Variants in FAR2 observed in about 807,000 individuals in gnomAD.
FAR2 encodes the protein epididymis secretory protein Li 81.
Under a neutral mutation model 56.0 loss-of-function variants are expected in FAR2, and 19 were observed. The ratio of observed to expected loss-of-function variants is 0.34; its 90% CI spans 0.24 to 0.50. The LOEUF (loss-of-function observed/expected upper bound fraction) is 0.50, where lower values mean the gene tolerates loss of function less well. Among genes scored for constraint, FAR2 ranks in the 20% least tolerant of loss-of-function variants. The pLI is 0.98. For synonymous variants in FAR2, 219 were observed against 218.8 expected, an observed-to-expected ratio of 1.00 and a Z score of -0.01; for missense variants, 508 against 642.2, an observed-to-expected ratio of 0.79 and a Z score of 2.26.
At position 29,193,002 on chromosome 12, in the gene FAR2, A is replaced by C. The variant is rs370627262; in HGVS notation, c.-39+43595A>C. 6.6e-5 allele frequency among the ~76,000 whole-genome samples: 10 copies of C among 152,186 alleles called. No homozygotes were observed. The East Asian group carries it at 1.9e-3, about 29-fold the overall frequency. ...GTTAACAACGTGATTAAGATTCTTAAATTTTTAGCTAGCAACTTTTCTACC... is the reference window on the plus strand; with the variant it reads ...GTTAACAACGTGATTAAGATTCTTACATTTTTAGCTAGCAACTTTTCTACC... On this transcript the variant is annotated intron_variant, in intron 1 of 11. Transcript: ENST00000536681.
chr12:29,219,932 T>A lies in FAR2; in HGVS notation c.-38-50480T>A, dbSNP rs565171010. Among the ~76,000 whole-genome samples the A allele has an allele frequency of 3.3e-5, 5 of 152,322 alleles. No homozygotes were observed. The East Asian group carries it at 9.6e-4, about 29-fold the overall frequency. ...AGATTTAGAAACCCAGAATCTGAAG[T>A]GTTTTGGAGCCAATCTTTTATTATT... On this transcript the variant is annotated intron_variant, in intron 1 of 11. Transcript: ENST00000536681.
At position 29,149,889 on chromosome 12, in the gene FAR2, T is replaced by G. The variant is rs964379648; in HGVS notation, c.-39+482T>G. ...CGGTCCTAGGTCCCCTCCCGGTGCCTGGGACCGCCAGGGCGCCCAGTCCTG... is the reference window on the plus strand; with the variant it reads ...CGGTCCTAGGTCCCCTCCCGGTGCCGGGGACCGCCAGGGCGCCCAGTCCTG... On this transcript the variant is annotated intron_variant, in intron 1 of 11. Transcript: ENST00000536681. Among the ~76,000 whole-genome samples, 109 of 152,184 alleles carry G rather than the reference T, an allele frequency of 7.2e-4. 2 individuals carry two copies. Among genetic ancestry groups the G allele is most frequent in the Non-Finnish European group, 1.3e-3 (86 of 67,966 alleles).
intron 1 of FAR2, among the ~76,000 whole-genome samples, chr12:29,210,157 G>C (rs1375629765): frequency 3.3e-5 from 5 of 152,128 alleles, no homozygotes. Context: ...ACAGAGCTAG[G>C]ATCATGCCAC....
chr12:29,335,410 T>C lies in FAR2; in HGVS notation c.*1616T>C, dbSNP rs1159667175. The C allele has an allele frequency of 6.6e-6, 1 of 152,184 alleles. No individual in the cohort carries two copies. The highest frequency in any genetic ancestry group is 1.5e-5 in the Non-Finnish European group (1 of 68,028). 9.4% of individuals were successfully genotyped at this position (152,184 alleles called of 1,614,324 possible). On this transcript the variant is annotated 3_prime_UTR_variant, in exon 12 of 12. Coordinates refer to ENST00000536681, the MANE Select transcript of FAR2 (RefSeq NM_001271783.2). ...TGATCTTTAGTTTGAGATGTCTATATGGTACTTTTGAGTTATATCAATTAA... is the reference window on the plus strand; with the variant it reads ...TGATCTTTAGTTTGAGATGTCTATACGGTACTTTTGAGTTATATCAATTAA...
chr12:29,179,393 C>A (rs1456004187), intron 1 of FAR2, among the ~76,000 whole-genome samples: 1 of 152,194 alleles, frequency 6.6e-6, no homozygotes, highest in Non-Finnish European at 1.5e-5. Context: ...GATTTTATTT[C>A]CATTCATAGC....
intron 1 of FAR2, among the ~76,000 whole-genome samples, chr12:29,160,121 G>A (rs1179584648): frequency 1.3e-5 from 2 of 152,100 alleles, no homozygotes; most frequent in African/African-American, 4.8e-5. Flanking sequence ...AACAACATGG[G>A]GTAATGACTG....
intron 1 of FAR2, among the ~76,000 whole-genome samples, chr12:29,172,890 T>C (rs1949902255): frequency 6.6e-6 from 1 of 152,188 alleles, no homozygotes; most frequent in African/African-American, 2.4e-5. Context: ...GTCCCCATGA[T>C]CTGAGTTGAG....
chr12:29,153,552 CTTGAA>C lies in FAR2; in HGVS notation c.-39+4148_-39+4152del, dbSNP rs565034160. Among the ~76,000 whole-genome samples, 211 of 152,244 alleles carry C rather than the reference CTTGAA, an allele frequency of 1.4e-3. 1 individual carries two copies. In the South Asian group the frequency reaches 0.019, roughly 14 times the overall value. ...CAAATTCACAGGTGTTGATAAAGAT[CTTGAA>C]TTTAATTTGAGTGGGTTGCCATTGA... On this transcript the variant is annotated intron_variant, in intron 1 of 11. Coordinates refer to ENST00000536681, the MANE Select transcript of FAR2 (RefSeq NM_001271783.2).
At chr12:29,193,391 C>G (rs10843342) in intron 1 of FAR2, among the ~76,000 whole-genome samples, 42,914 of 152,102 alleles carry the variant, frequency 0.28, 6,154 homozygotes, top group East Asian at 0.35. Flanking sequence ...CCTCTGTGCT[C>G]CATCTATCCA....
chr12:29,319,319 T>C (rs894309540), intron 9 of FAR2, among the ~76,000 whole-genome samples: 2 of 152,144 alleles, frequency 1.3e-5, no homozygotes, highest in African/African-American at 4.8e-5. Flanking sequence ...TGTCTTACCC[T>C]CTTAATGGGG....
intron 1 of FAR2, among the ~76,000 whole-genome samples, chr12:29,220,138 T>G (rs1565476040): frequency 1.3e-5 from 2 of 152,186 alleles, no homozygotes; most frequent in Admixed American, 6.5e-5. Context: ...AGGGCTTTGC[T>G]TTGACGTTCA....
intron 1 of FAR2, chr12:29,151,305 G>A (rs1227653710): frequency 6.6e-6 from 1 of 152,176 alleles, no homozygotes; most frequent in Non-Finnish European, 1.5e-5. Flanking sequence ...TTTGAAGAGG[G>A]TAACAGACCA....
chr12:29,191,125 A>G (rs1950099914), intron 1 of FAR2, among the ~76,000 whole-genome samples: 1 of 152,216 alleles, frequency 6.6e-6, no homozygotes, highest in African/African-American at 2.4e-5. Context: ...TTCCATACCT[A>G]GCTGAAAAGG....
chr12:29,211,372 CCT>C (rs1278507235), intron 1 of FAR2, among the ~76,000 whole-genome samples: 2 of 152,172 alleles, frequency 1.3e-5, no homozygotes, highest in African/African-American at 4.8e-5. Flanking sequence ...CTCCTCCTAG[CCT>C]CTTTCTAAGA....
At chr12:29,264,237 G>A (rs1120528) in intron 1 of FAR2, among the ~76,000 whole-genome samples, 85,218 of 151,958 alleles carry the variant, frequency 0.56, 24,436 homozygotes, top group African/African-American at 0.67. Context: ...GATCATTTCA[G>A]TTAATGCTGA....
At chr12:29,271,913 T>A (rs924777460) in intron 2 of FAR2, among the ~76,000 whole-genome samples, 1 of 152,186 alleles carries the variant, frequency 6.6e-6, no homozygotes, top group South Asian at 2.1e-4. Context: ...TTCTACCTAG[T>A]AGAGGAAAAA....
intron 1 of FAR2, among the ~76,000 whole-genome samples, chr12:29,185,780 G>A (rs1156286893): frequency 6.6e-6 from 1 of 152,156 alleles, no homozygotes; most frequent in African/African-American, 2.4e-5. Flanking sequence ...AGGTGGCAGA[G>A]CATGAGTGGG....
chr12:29,326,418 C>T (rs1174595802), intron 10 of FAR2, among the ~76,000 whole-genome samples: 1 of 152,004 alleles, frequency 6.6e-6, no homozygotes, highest in Non-Finnish European at 1.5e-5. Flanking sequence ...CAGCATCATC[C>T]TGATACCAAA....
chr12:29,289,187 AAC>A (rs1948921471), intron 2 of FAR2, among the ~76,000 whole-genome samples: 1 of 151,028 alleles, frequency 6.6e-6, no homozygotes, highest in African/African-American at 2.5e-5. Flanking sequence ...AATAGAAAAA[AAC>A]AATCCTAAAA....
Sources: allele counts gnomAD v4.1 joint callset (sites outside exome capture counted in the v4.1 genomes callset), GRCh38; gene constraint gnomAD v4.1.1; transcripts MANE v1.5; gene names NCBI Gene and HGNC (gene_info 2026-07-23, HGNC 2026-07-21).